KLRG1: variants seen among roughly 807,000 people sequenced by gnomAD.
KLRG1 encodes the protein killer cell lectin-like receptor subfamily G member 1.
KLRG1 carries 16 observed loss-of-function variants against 21.8 expected under a neutral mutation model. The ratio of observed to expected loss-of-function variants is 0.73; its 90% CI spans 0.50 to 1.11. KLRG1 has a LOEUF of 1.11. Ranked by LOEUF, KLRG1 falls within the 50% of genes most tolerant of loss-of-function variation. The pLI is 0.00. For missense variants in KLRG1, 173 were observed against 218.3 expected, an observed-to-expected ratio of 0.79 and a Z score of 1.31; for synonymous variants, 69 against 75.9, an observed-to-expected ratio of 0.91 and a Z score of 0.47.
chr12:9,101,278 T>G, the KLRG1 span: 1 of 1,452,160 alleles, frequency 6.9e-7, no homozygotes, highest in Non-Finnish European at 9.5e-7. Context: ...TTCAATATAC[T>G]TGTTTTATTG....
the KLRG1 span, chr12:9,163,873 TC>T: frequency 6.8e-7 from 1 of 1,463,848 alleles, no homozygotes. Flanking sequence ...CTTATAGTTG[TC>T]CAGAATAGAA....
At chr12:9,126,979 G>T in the KLRG1 span, among the ~76,000 whole-genome samples, 1 of 152,102 alleles carries the variant, frequency 6.6e-6, no homozygotes, top group Non-Finnish European at 1.5e-5. Flanking sequence ...CTTGTCCCGC[G>T]GTCTATGAGT....
chr12:9,161,110 T>G, the KLRG1 span: 2 of 1,571,534 alleles, frequency 1.3e-6, no homozygotes, highest in Middle Eastern at 1.7e-4. Flanking sequence ...CTCAGACACA[T>G]TAGCACCTTT....
At chr12:9,109,919 T>C in the KLRG1 span, 1 of 1,613,900 alleles carries the variant, frequency 6.2e-7, no homozygotes, top group Non-Finnish European at 8.5e-7. Flanking sequence ...ATTTCTTCTG[T>C]ACCACCACCT....
chr12:9,062,522 T>G, the KLRG1 span, among the ~76,000 whole-genome samples: 1 of 147,520 alleles, frequency 6.8e-6, no homozygotes, highest in Admixed American at 6.8e-5. Context: ...AATAGATGGA[T>G]AATATATCTG....
the KLRG1 span, chr12:9,028,976 T>G: frequency 1.6e-6 from 1 of 617,604 alleles, no homozygotes; most frequent in East Asian, 3.7e-5. Flanking sequence ...CCGTGAGCGT[T>G]CCCCATTGCT....
the KLRG1 span, among the ~76,000 whole-genome samples, chr12:9,078,997 C>G: frequency 1.3e-5 from 2 of 152,066 alleles, no homozygotes; most frequent in African/African-American, 4.8e-5. Flanking sequence ...GAAAGAATAG[C>G]CATTTCAGAA....
chr12:9,047,871 G>A, the KLRG1 span, among the ~76,000 whole-genome samples: 46 of 152,118 alleles, frequency 3.0e-4, no homozygotes, highest in Non-Finnish European at 5.9e-4. Context: ...ATATGTGGAG[G>A]CAAAAACCGA....
intron 1 of KLRG1, among the ~76,000 whole-genome samples, chr12:8,957,006 A>C (rs1392697504): frequency 1.3e-5 from 2 of 152,204 alleles, no homozygotes; most frequent in Non-Finnish European, 2.9e-5. Flanking sequence ...GGGTGGAGCC[A>C]GCCCAGTGGT....
chr12:9,060,373 G>A, the KLRG1 span, among the ~76,000 whole-genome samples: 1 of 152,122 alleles, frequency 6.6e-6, no homozygotes, highest in African/African-American at 2.4e-5. Flanking sequence ...TGTCCTTAGT[G>A]GTCTTTCAAC....
chr12:9,066,430 C>A, the KLRG1 span: 1 of 152,494 alleles, frequency 6.6e-6, no homozygotes, highest in African/African-American at 2.4e-5. Context: ...AGAGCCTGTG[C>A]TGGCACCTGG....
At chr12:9,164,143 A>G in the KLRG1 span, 1 of 1,611,584 alleles carries the variant, frequency 6.2e-7, no homozygotes, top group Non-Finnish European at 8.5e-7. Flanking sequence ...CCAGAGTTTT[A>G]GGAGTCACTG....
intron 1 of KLRG1, among the ~76,000 whole-genome samples, chr12:8,980,197 G>A (rs1019386186): frequency 6.6e-6 from 1 of 152,104 alleles, no homozygotes; most frequent in Non-Finnish European, 1.5e-5. Flanking sequence ...GGGATTACAG[G>A]TGTGAGTCAC....
chr12:9,028,921 A>G, the KLRG1 span: 8 of 634,102 alleles, frequency 1.3e-5, no homozygotes, highest in South Asian at 6.9e-5. Flanking sequence ...GACAAACCCA[A>G]AGCCCCTGCA....
At chr12:9,208,454 C>A in the KLRG1 span, 1 of 753,250 alleles carries the variant, frequency 1.3e-6, no homozygotes, top group Non-Finnish European at 2.3e-6. Context: ...AAGCCCCACC[C>A]CAAGGCCTCT....
chr12:9,164,317 C>T, the KLRG1 span: 1 of 1,546,780 alleles, frequency 6.5e-7, no homozygotes. Flanking sequence ...GACACGAACA[C>T]ATAGAATTGG....
chr12:9,079,504 CT>C, the KLRG1 span: 2 of 1,078,180 alleles, frequency 1.9e-6, no homozygotes, highest in African/African-American at 3.2e-5. Flanking sequence ...GGATAGTTTC[CT>C]TGAAATTAAC....
chr12:8,951,904 C>CA (rs1432659881), intron 1 of KLRG1, among the ~76,000 whole-genome samples: 1 of 152,172 alleles, frequency 6.6e-6, no homozygotes, highest in Admixed American at 6.6e-5. Context: ...TGTCTGCTGT[C>CA]AGAGTGGAAG....
At chr12:9,044,387 T>C in the KLRG1 span, among the ~76,000 whole-genome samples, 1 of 152,020 alleles carries the variant, frequency 6.6e-6, no homozygotes, top group African/African-American at 2.4e-5. Flanking sequence ...CAAACAGGCT[T>C]GGCGTGGTGG....
Sources: gnomAD v4.1 joint callset for allele counts (sites outside exome capture counted in the v4.1 genomes callset) on GRCh38, gnomAD v4.1.1 for gene constraint, MANE v1.5 for transcripts, NCBI Gene and HGNC (gene_info 2026-07-23, HGNC 2026-07-21) for gene names.